The following MARCHF1 variants were observed in gnomAD, a reference collection of about 807,000 sequenced individuals.
MARCHF1 encodes the protein membrane associated ring-CH-type finger 1.
A neutral mutation model predicts 54.2 loss-of-function variants in MARCHF1; 40 were observed. The observed-to-expected ratio is 0.74, with a 90% CI of 0.57 to 0.96. MARCHF1 has a LOEUF of 0.96. Ranked by LOEUF, MARCHF1 falls within the 40% of genes least tolerant of loss-of-function variation. The pLI is 0.00. For missense variants in MARCHF1, 586 were observed against 656.5 expected, an observed-to-expected ratio of 0.89 and a Z score of 1.17; for synonymous variants, 236 against 236.3, an observed-to-expected ratio of 1.00 and a Z score of 0.01.
At chr4:163,930,879 G>A (rs1033793677) in intron 3 of MARCHF1, among the ~76,000 whole-genome samples, 1 of 152,254 alleles carries the variant, frequency 6.6e-6, no homozygotes, top group African/African-American at 2.4e-5. Context: ...AAATAGGGAT[G>A]TAACATATTT....
chr4:164,222,095 G>A lies in MARCHF1; in HGVS notation c.-322-110433C>T, dbSNP rs1732129559. On this transcript the variant is annotated intron_variant, in intron 1 of 9. Transcript: ENST00000514618. ...TATAATTTAATAAGAAAGAAGAATG[G>A]AAATTTTTTCTAAGTGCCTTTCAAA... 2.0e-5 allele frequency among the ~76,000 whole-genome samples: 3 copies of A among 151,976 alleles called. No homozygotes were observed. The South Asian group carries it at 6.2e-4, about 31-fold the overall frequency.
chr4:164,099,525 T>C (rs1303456883), intron 2 of MARCHF1, among the ~76,000 whole-genome samples: 1 of 152,162 alleles, frequency 6.6e-6, no homozygotes, highest in Non-Finnish European at 1.5e-5. Flanking sequence ...AGATAAGTAT[T>C]ACATAAGCTA....
chr4:163,559,911 TTTTC>T lies in MARCHF1; in HGVS notation c.1192-14172_1192-14169del, dbSNP rs554388643. Reference sequence around the variant, plus strand: ...GCATGTCTTAAAATTTCTTGCCCATTTTTCTTTGTTATACAGTGTTCTCTAATTG... The same window carrying T: ...GCATGTCTTAAAATTTCTTGCCCATTTTTGTTATACAGTGTTCTCTAATTG... On this transcript the variant is annotated intron_variant, in intron 8 of 9. Transcript: ENST00000514618. Among the ~76,000 whole-genome samples, 26 of 152,340 alleles carry T rather than the reference TTTTC, an allele frequency of 1.7e-4. No individual in the cohort carries two copies. In the South Asian group the frequency reaches 4.8e-3, roughly 28 times the overall value.
intron 1 of MARCHF1, among the ~76,000 whole-genome samples, chr4:164,237,649 C>T (rs1250492135): frequency 6.6e-6 from 1 of 151,734 alleles, no homozygotes; most frequent in Non-Finnish European, 1.5e-5. Context: ...TTATTCTATT[C>T]AGTTTCTTTT....
rs150458467 is a variant in MARCHF1 at position 163,599,297 on chromosome 4, TTA to T, written c.1010+12972_1010+12973del. 3.9e-3 allele frequency among the ~76,000 whole-genome samples: 571 copies of T among 146,754 alleles called. 6 individuals are homozygous for T. Among genetic ancestry groups the T allele is most frequent in the African/African-American group, 0.014 (548 of 39,508 alleles). On this transcript the variant is annotated intron_variant, in intron 7 of 9. Transcript: ENST00000514618. ...AGAGTGAGACTCCATCTCAAAAAAA[TTA>T]TATATATATATATGTTTTATTTTAC... is the stretch of plus-strand genomic sequence containing the variant.
At position 164,141,963 on chromosome 4, in the gene MARCHF1, C is replaced by T. The variant is rs542364852; in HGVS notation, c.-322-30301G>A. Among the ~76,000 whole-genome samples the T allele has an allele frequency of 5.9e-5, 9 of 152,162 alleles. No homozygotes were observed. The South Asian group carries it at 8.3e-4, about 14-fold the overall frequency. On this transcript the variant is annotated intron_variant, in intron 1 of 9. Coordinates refer to ENST00000514618, the MANE Select transcript of MARCHF1 (RefSeq NM_001394959.1). Reference sequence around the variant, plus strand: ...CAGTGGGCGCAGGTCAGTGGGTGGGCGCACCGTGAGCGAGCCAAAGTAGGG... The same window carrying T: ...CAGTGGGCGCAGGTCAGTGGGTGGGTGCACCGTGAGCGAGCCAAAGTAGGG...
At chr4:164,075,932 C>T (rs1290880319) in intron 2 of MARCHF1, among the ~76,000 whole-genome samples, 2 of 152,180 alleles carry the variant, frequency 1.3e-5, no homozygotes, top group Non-Finnish European at 2.9e-5. Flanking sequence ...GATACAGCCA[C>T]TGACTGTCTA....
chr4:164,081,207 C>CGAAAAAA (rs1755091198), intron 2 of MARCHF1, among the ~76,000 whole-genome samples: 1 of 18,404 alleles, frequency 5.4e-5, no homozygotes, highest in African/African-American at 1.8e-4. Flanking sequence ...GACGCTGTCT[C>CGAAAAAA]AAAAAAAAAA....
intron 8 of MARCHF1, among the ~76,000 whole-genome samples, chr4:163,561,317 T>A (rs1230368713): frequency 6.6e-6 from 1 of 152,226 alleles, no homozygotes; most frequent in Non-Finnish European, 1.5e-5. Flanking sequence ...TCTAAAAGTA[T>A]AATTGTTTTA....
intron 1 of MARCHF1, among the ~76,000 whole-genome samples, chr4:164,333,600 T>C (rs7669453): frequency 0.44 from 66,496 of 152,054 alleles, 15,123 homozygotes; most frequent in Non-Finnish European, 0.5. Flanking sequence ...TTACTCTGAC[T>C]ATTCCTCCAA....
At chr4:164,296,951 C>T (rs1734426897) in intron 1 of MARCHF1, among the ~76,000 whole-genome samples, 1 of 152,202 alleles carries the variant, frequency 6.6e-6, no homozygotes, top group South Asian at 2.1e-4. Flanking sequence ...AAAGCAAGTG[C>T]TCTAGCACCC....
At chr4:163,643,368 T>A (rs1012026622) in intron 5 of MARCHF1, among the ~76,000 whole-genome samples, 1 of 90,162 alleles carries the variant, frequency 1.1e-5, no homozygotes. Flanking sequence ...AAATTCAGGG[T>A]CTTGCTGTGT....
chr4:164,242,686 C>T (rs189962011), intron 1 of MARCHF1, among the ~76,000 whole-genome samples: 1,941 of 152,084 alleles, frequency 0.013, 33 homozygotes, highest in African/African-American at 0.044. Flanking sequence ...CTCTGAGCTA[C>T]GGGAGGACAT....
intron 2 of MARCHF1, among the ~76,000 whole-genome samples, chr4:164,065,315 T>C (rs1035001303): frequency 5.3e-5 from 8 of 152,166 alleles, no homozygotes; most frequent in African/African-American, 1.9e-4. Context: ...GACTTAAATG[T>C]AAAACCCAAA....
chr4:163,719,458 C>G (rs1170855103), intron 4 of MARCHF1, among the ~76,000 whole-genome samples: 2 of 152,108 alleles, frequency 1.3e-5, no homozygotes, highest in Non-Finnish European at 1.5e-5. Context: ...GGTTCCAAGT[C>G]TTTGCTATTG....
intron 4 of MARCHF1, among the ~76,000 whole-genome samples, chr4:163,814,730 C>T (rs1000495086): frequency 6.6e-6 from 1 of 152,164 alleles, no homozygotes; most frequent in African/African-American, 2.4e-5. Flanking sequence ...CCAGCACTTA[C>T]ATATCATGTG....
intron 5 of MARCHF1, among the ~76,000 whole-genome samples, chr4:163,695,692 T>G (rs1219740353): frequency 6.6e-6 from 1 of 152,180 alleles, no homozygotes; most frequent in Non-Finnish European, 1.5e-5. Context: ...AAGGATTTTA[T>G]TTAAAAGAAA....
At chr4:164,280,186 T>C (rs546013244) in intron 1 of MARCHF1, among the ~76,000 whole-genome samples, 2 of 152,134 alleles carry the variant, frequency 1.3e-5, no homozygotes, top group Middle Eastern at 3.5e-3. Flanking sequence ...CTGAAAAGGA[T>C]ATATTGTCAA....
At chr4:163,776,724 T>C (rs1013054625) in intron 4 of MARCHF1, among the ~76,000 whole-genome samples, 2 of 152,154 alleles carry the variant, frequency 1.3e-5, no homozygotes, top group African/African-American at 4.8e-5. Context: ...ACTCAAGTTA[T>C]TTTCTGTGGA....
Sources: allele counts gnomAD v4.1 joint callset (sites outside exome capture counted in the v4.1 genomes callset), GRCh38; gene constraint gnomAD v4.1.1; transcripts MANE v1.5; gene names NCBI Gene and HGNC (gene_info 2026-07-23, HGNC 2026-07-21).